TMEM255B: variants seen among roughly 807,000 people sequenced by gnomAD.
TMEM255B encodes the protein family with sequence similarity 70, member B.
In TMEM255B, 35 loss-of-function variants were observed where a neutral mutation model predicts 34.5. The ratio of observed to expected loss-of-function variants is 1.01; its 90% CI spans 0.77 to 1.34. The LOEUF (loss-of-function observed/expected upper bound fraction) is 1.34. TMEM255B is among the 40% of genes most tolerant of loss of function. TMEM255B has a pLI of 0.00. For missense variants in TMEM255B, 432 were observed against 433.2 expected, an observed-to-expected ratio of 1.00 and a Z score of 0.02; for synonymous variants, 206 against 201.2, an observed-to-expected ratio of 1.02 and a Z score of -0.20.
intron 8 of TMEM255B, among the ~76,000 whole-genome samples, chr13:113,808,647 CTG>C (rs1026801765): frequency 2.0e-5 from 3 of 148,196 alleles, no homozygotes; most frequent in African/African-American, 7.5e-5. Flanking sequence ...GGTGGTTACT[CTG>C]TGATTCCTGA....
In TMEM255B at chr13:113,800,929, AC is replaced by A; in HGVS notation, c.509+22del. The A allele has an allele frequency of 8.4e-7, 1 of 1,186,956 alleles. No homozygotes were observed. The highest frequency in any genetic ancestry group is 1.1e-6 in the Non-Finnish European group (1 of 876,318). The allele number at this position is 1,186,956 out of a possible 1,614,324, so 73.5% of individuals were successfully genotyped here. On this transcript the variant is annotated intron_variant, in intron 6 of 8. Coordinates refer to ENST00000375353, the MANE Select transcript of TMEM255B (RefSeq NM_182614.4). Reference sequence around the variant, plus strand: ...CTGCGGGAGGTGAGGGGCACCGGGGACCCCCATATCTACACCTGCGGGAGGT... The same window carrying A: ...CTGCGGGAGGTGAGGGGCACCGGGGACCCCATATCTACACCTGCGGGAGGT...
chr13:113,777,758 C>T (rs1053400505), intron 3 of TMEM255B, among the ~76,000 whole-genome samples: 7 of 152,182 alleles, frequency 4.6e-5, no homozygotes, highest in Non-Finnish European at 8.8e-5. Context: ...GGAGCGAGGG[C>T]GGCGCTTCCT....
intron 1 of TMEM255B, among the ~76,000 whole-genome samples, chr13:113,760,803 A>G (rs2050293962): frequency 3.1e-5 from 3 of 96,422 alleles, no homozygotes; most frequent in Admixed American, 1.4e-4. Flanking sequence ...GGGGTGGGTT[A>G]TGGTCTTTCT....
intron 3 of TMEM255B, among the ~76,000 whole-genome samples, chr13:113,772,769 C>G (rs562693439): frequency 5.5e-4 from 83 of 152,290 alleles, no homozygotes; most frequent in Non-Finnish European, 1.1e-3. Flanking sequence ...ATCTATATGT[C>G]TTTGCTTGTG....
At chr13:113,800,726 T>C in intron 5 of TMEM255B, 101 bp from the exon 6 acceptor site, 2 of 1,131,418 alleles carry the variant, frequency 1.8e-6, no homozygotes, top group Non-Finnish European at 2.6e-6. Context: ...TGGCTGGGCC[T>C]CAGTGGCCGC....
At chr13:113,787,545 G>A (rs994930543) in intron 3 of TMEM255B, among the ~76,000 whole-genome samples, 1 of 152,068 alleles carries the variant, frequency 6.6e-6, no homozygotes, top group Non-Finnish European at 1.5e-5. Flanking sequence ...AGACAGTGGC[G>A]ACCATGTGGG....
intron 3 of TMEM255B, among the ~76,000 whole-genome samples, chr13:113,780,585 T>C (rs1157276116): frequency 6.6e-6 from 1 of 152,248 alleles, no homozygotes; most frequent in Non-Finnish European, 1.5e-5. Flanking sequence ...CAGTCTCCTA[T>C]TGGTTCAGTT....
At chr13:113,801,504 C>G (rs1318892844) in intron 6 of TMEM255B, 149 bp from the exon 7 acceptor site, 1 of 918,114 alleles carries the variant, frequency 1.1e-6, no homozygotes, top group Non-Finnish European at 1.5e-6. Context: ...GGTTTGATCT[C>G]CCAGAGCAGT....
At chr13:113,796,727 G>A (rs543199932) in intron 4 of TMEM255B, among the ~76,000 whole-genome samples, 1 of 152,356 alleles carries the variant, frequency 6.6e-6, no homozygotes, top group East Asian at 1.9e-4. Flanking sequence ...CTGGGCGTCA[G>A]CTGGTCCCCG....
intron 8 of TMEM255B, among the ~76,000 whole-genome samples, chr13:113,807,416 T>C (rs1402490253): frequency 3.3e-5 from 4 of 121,964 alleles, no homozygotes; most frequent in African/African-American, 1.3e-4. Flanking sequence ...GCTTACGGGA[T>C]GTGGGGGGTG....
At chr13:113,773,119 C>T (rs1158776873) in intron 3 of TMEM255B, among the ~76,000 whole-genome samples, 1 of 152,130 alleles carries the variant, frequency 6.6e-6, no homozygotes, top group Admixed American at 6.6e-5. Flanking sequence ...ATCAAATTTA[C>T]TTATTTTTCA....
At chr13:113,779,433 G>A (rs1354149596) in intron 3 of TMEM255B, among the ~76,000 whole-genome samples, 1 of 152,188 alleles carries the variant, frequency 6.6e-6, no homozygotes, top group Non-Finnish European at 1.5e-5. Flanking sequence ...ACATCTAGGA[G>A]TGGAAGAGGT....
At chr13:113,773,956 C>T (rs1220104140) in intron 3 of TMEM255B, among the ~76,000 whole-genome samples, 3 of 152,208 alleles carry the variant, frequency 2.0e-5, no homozygotes, top group Non-Finnish European at 4.4e-5. Context: ...ACAGAGAGAA[C>T]GAGTGTATTT....
rs1330530657 is a variant in TMEM255B at position 113,812,069 on chromosome 13, C to G, written c.*166C>G. 4 of 930,370 alleles carry G rather than the reference C, an allele frequency of 4.3e-6. No homozygotes were observed. In the East Asian group the frequency reaches 1.1e-4, roughly 25 times the overall value. The allele number at this position is 930,370 out of a possible 1,614,324, so 57.6% of individuals were successfully genotyped here. A position where few individuals can be genotyped will look rare whatever the true frequency, so the allele number is the denominator to read the frequency against. On this transcript the variant is annotated 3_prime_UTR_variant, in exon 9 of 9. Coordinates refer to ENST00000375353, the MANE Select transcript of TMEM255B (RefSeq NM_182614.4). The stretch of plus-strand genomic sequence containing the variant: ...GCACACTGGTGAGGGAGGCTGGAAC[C>G]AGGCAGGGAGTGGGGCCCTCCAGAC...
In TMEM255B at chr13:113,763,189, A is replaced by G. The variant is rs148200006; in HGVS notation, c.47-2926A>G. Among the ~76,000 whole-genome samples, 624 of 152,314 alleles carry G rather than the reference A, an allele frequency of 4.1e-3. 1 individual carries two copies. Among genetic ancestry groups the G allele is most frequent in the Non-Finnish European group, 6.9e-3 (469 of 68,024 alleles). On this transcript the variant is annotated intron_variant, in intron 1 of 8. Transcript: ENST00000375353. ...ATAAGGAAGTTAGGCTGCTCTGAAA[A>G]TCGACACACAGCCCAATCCATAGAT...
intron 3 of TMEM255B, among the ~76,000 whole-genome samples, chr13:113,781,491 A>G (rs1183194523): frequency 6.6e-6 from 1 of 152,254 alleles, no homozygotes; most frequent in Non-Finnish European, 1.5e-5. Context: ...CTGTTTCTTC[A>G]ATAGTCTTAA....
intron 3 of TMEM255B, among the ~76,000 whole-genome samples, chr13:113,787,761 T>C (rs769001739): frequency 6.6e-5 from 10 of 151,694 alleles, no homozygotes; most frequent in Admixed American, 2.6e-4. Context: ...ATGTGTCAAA[T>C]GCTCATGGTG....
chr13:113,793,508 C>G lies in TMEM255B; in HGVS notation c.253-1640C>G, dbSNP rs36194308. Among the ~76,000 whole-genome samples the G allele has an allele frequency of 4.7e-3, 713 of 152,334 alleles. 3 individuals carry two copies. The highest frequency in any genetic ancestry group is 5.9e-3 in the Non-Finnish European group (398 of 68,026). On this transcript the variant is annotated intron_variant, in intron 3 of 8. Transcript: ENST00000375353. Reference sequence around the variant, plus strand: ...GTGCCAGCAGGTGGGAGAACCATCTCTCTGTGACTCACGCAGGGACCGTGC... The same window carrying G: ...GTGCCAGCAGGTGGGAGAACCATCTGTCTGTGACTCACGCAGGGACCGTGC...
rs1326109124 is a variant in TMEM255B at position 113,806,951 on chromosome 13, A to C, written c.813+1923A>C. Among the ~76,000 whole-genome samples the C allele has an allele frequency of 6.6e-6, 1 of 152,170 alleles. No individual in the cohort carries two copies. The highest frequency in any genetic ancestry group is 2.4e-5 in the African/African-American group (1 of 41,448). On this transcript the variant is annotated intron_variant, in intron 8 of 8. Coordinates refer to ENST00000375353, the MANE Select transcript of TMEM255B (RefSeq NM_182614.4). The surrounding 1 kb of genome is among the most constrained non-coding windows in gnomAD (Gnocchi z 4.2). ...GTGCCAAGAACGTGCAGCCCAGAGC[A>C]TAGCCTCGGTGGCCCATGCTGTCTT...
Sources: allele counts gnomAD v4.1 joint callset (sites outside exome capture counted in the v4.1 genomes callset), GRCh38; gene constraint gnomAD v4.1.1; non-coding constraint Gnocchi (gnomAD v3.1); transcripts MANE v1.5; gene names NCBI Gene and HGNC (gene_info 2026-07-23, HGNC 2026-07-21).